The following C10orf143 variants were observed in gnomAD, a reference collection of about 807,000 sequenced individuals.
C10orf143 encodes uncharacterized protein C10orf143.
intron 3 of C10orf143, among the ~76,000 whole-genome samples, chr10:130,038,816 C>T (rs1232041729): frequency 3.3e-5 from 5 of 152,118 alleles, no homozygotes; most frequent in South Asian, 2.1e-4. Flanking sequence ...CATTAAGCAC[C>T]GACTGTGTAT....
intron 1 of C10orf143, chr10:130,106,807 A>T: frequency 8.4e-7 from 1 of 1,191,872 alleles, no homozygotes; most frequent in Non-Finnish European, 1.3e-6. Context: ...TACATGCAGA[A>T]CAAGTTCTAA....
chr10:130,069,400 G>C (rs1227075853), intron 3 of C10orf143, among the ~76,000 whole-genome samples: 2 of 152,190 alleles, frequency 1.3e-5, no homozygotes, highest in African/African-American at 4.8e-5. Context: ...CAGAAAATCT[G>C]TCGCTAGAAG....
intron 1 of C10orf143, chr10:130,107,838 A>G: frequency 8.0e-7 from 1 of 1,251,632 alleles, no homozygotes; most frequent in Non-Finnish European, 1.2e-6. Context: ...CTTCCGAGGG[A>G]ACAGGACCGT....
chr10:130,040,498 C>T (rs371231258), intron 3 of C10orf143, among the ~76,000 whole-genome samples: 4 of 152,208 alleles, frequency 2.6e-5, no homozygotes, highest in African/African-American at 9.6e-5. Flanking sequence ...CAGCAAGTCT[C>T]CTGAGACTCT....
At chr10:130,054,828 C>T (rs2134735883) in intron 3 of C10orf143, among the ~76,000 whole-genome samples, 1 of 152,120 alleles carries the variant, frequency 6.6e-6, no homozygotes, top group East Asian at 1.9e-4. Context: ...TACAAAGCTA[C>T]AGTAATAAAA....
At chr10:130,108,765 A>T (rs1861708734) in intron 1 of C10orf143, among the ~76,000 whole-genome samples, 1 of 152,190 alleles carries the variant, frequency 6.6e-6, no homozygotes, top group Admixed American at 6.5e-5. Flanking sequence ...TATGCCAACA[A>T]CTGTATTTAC....
chr10:130,056,915 G>A lies in C10orf143; in HGVS notation c.298-20945C>T, dbSNP rs1860803885. Among the ~76,000 whole-genome samples the A allele has an allele frequency of 6.6e-6, 1 of 151,760 alleles. No individual in the cohort carries two copies. The highest frequency in any genetic ancestry group is 1.5e-5 in the Non-Finnish European group (1 of 67,962). ...CAGTTGCTTTCATTTTTTATACAGA[G>A]TCTCACTGTGTCTCCCAGGCTGGAG... is the stretch of plus-strand genomic sequence containing the variant. On this transcript the variant is annotated intron_variant and NMD_transcript_variant, in intron 3 of 5. Transcript: ENST00000643056. This position sits in a 1 kb window ranked among gnomAD's most constrained non-coding sequence, Gnocchi z 4.6.
At chr10:130,090,122 C>T (rs1861356471) in intron 1 of C10orf143, among the ~76,000 whole-genome samples, 2 of 152,176 alleles carry the variant, frequency 1.3e-5, no homozygotes, top group South Asian at 2.1e-4. Context: ...TGGAAGCTGG[C>T]AAGATGGCCA....
At chr10:130,036,941 G>A (rs1489830728) in intron 3 of C10orf143, among the ~76,000 whole-genome samples, 1 of 152,184 alleles carries the variant, frequency 6.6e-6, no homozygotes. Context: ...GACTGTACCA[G>A]CAGGTACAGG....
chr10:130,101,068 A>C (rs1365212943), intron 1 of C10orf143: 1 of 151,930 alleles, frequency 6.6e-6, no homozygotes, highest in Admixed American at 6.6e-5. Flanking sequence ...AAATACAAAA[A>C]ATTAGCGGGG....
chr10:130,108,784 T>C (rs1311011497), intron 1 of C10orf143, among the ~76,000 whole-genome samples: 1 of 152,224 alleles, frequency 6.6e-6, no homozygotes, highest in African/African-American at 2.4e-5. Context: ...ACTGTAGGTG[T>C]AGACAAATGT....
chr10:130,048,659 A>C (rs187234001), intron 3 of C10orf143, among the ~76,000 whole-genome samples: 29 of 152,268 alleles, frequency 1.9e-4, no homozygotes, highest in Admixed American at 1.8e-3. Flanking sequence ...TGGTGCACCA[A>C]GTCTTCCTGT....
chr10:130,079,803 C>A lies in C10orf143; in HGVS notation c.168G>T (p.Glu56Asp), dbSNP rs967175527. The change falls in exon 2 of 4, where the codon GAG becomes GAT. Residue 56 changes from glutamate (E) to aspartate (D), a missense_variant. Coordinates refer to ENST00000637128, the MANE Select transcript of C10orf143 (RefSeq NM_001355042.2). ...ALASWGPEDR[E>D]LPSRGCLPAP... is the part of the protein sequence containing the mutation. ...CTGGGAGGCAGCCTCTTGATGGAAG[C>A]TCCCGGTCCTCTGGGCCCCAGGACG... 1 of 398,598 alleles carries A rather than the reference C, an allele frequency of 2.5e-6. No homozygotes were observed. The highest frequency in any genetic ancestry group is 4.4e-5 in the Admixed American group (1 of 22,724). The allele number at this position is 398,598 out of a possible 1,614,324, so 24.7% of individuals were successfully genotyped here.
intron 3 of C10orf143, among the ~76,000 whole-genome samples, chr10:130,050,627 A>C (rs2134731971): frequency 6.6e-6 from 1 of 152,354 alleles, no homozygotes; most frequent in African/African-American, 2.4e-5. Context: ...TGTTTTTTTA[A>C]AGAAACTTGA....
downstream of C10orf143, among the ~76,000 whole-genome samples, chr10:130,060,549 C>T (rs768006383): frequency 9.2e-5 from 14 of 152,146 alleles, no homozygotes; most frequent in South Asian, 4.1e-4. Context: ...TGCAGCCGGG[C>T]GCAGTGGCTC....
intron 3 of C10orf143, among the ~76,000 whole-genome samples, chr10:130,068,844 G>A (rs1860984218): frequency 6.6e-6 from 1 of 151,840 alleles, no homozygotes; most frequent in African/African-American, 2.4e-5. Context: ...AGATTATCCA[G>A]TTTGAGGAAC....
At chr10:130,093,781 G>A (rs1861419979) in intron 1 of C10orf143, among the ~76,000 whole-genome samples, 1 of 152,116 alleles carries the variant, frequency 6.6e-6, no homozygotes, top group Non-Finnish European at 1.5e-5. Context: ...GGGAGGCCGA[G>A]GCGGGCGGAT....
chr10:130,101,577 A>AT (rs1303502665), intron 1 of C10orf143, among the ~76,000 whole-genome samples: 3 of 151,914 alleles, frequency 2.0e-5, no homozygotes, highest in Admixed American at 6.6e-5. Context: ...TAAAATTAAG[A>AT]TTTTTTTGAC....
At chr10:130,079,512 T>C in intron 3 of C10orf143, 54 bp downstream of exon 3, 1 of 398,948 alleles carries the variant, frequency 2.5e-6, no homozygotes, top group Non-Finnish European at 4.4e-6. Flanking sequence ...ATGGATCTAA[T>C]ATTTAAGAAG....
Sources: allele counts gnomAD v4.1 joint callset (sites outside exome capture counted in the v4.1 genomes callset), GRCh38; gene constraint gnomAD v4.1.1; non-coding constraint Gnocchi (gnomAD v3.1); transcripts MANE v1.5; gene names NCBI Gene and HGNC (gene_info 2026-07-23, HGNC 2026-07-21).